TMEM233: variants seen among roughly 807,000 people sequenced by gnomAD.
TMEM233 encodes the protein transmembrane protein 233, also known as dispanin subfamily B member 2.
A neutral mutation model predicts 11.2 loss-of-function variants in TMEM233; 6 were observed. That is an observed-to-expected ratio of 0.54 (90% CI 0.29 to 1.06). The LOEUF (loss-of-function observed/expected upper bound fraction) is 1.06, where lower values mean the gene tolerates loss of function less well. Ranked by LOEUF, TMEM233 falls within the 50% of genes least tolerant of loss-of-function variation. The probability of loss-of-function intolerance (pLI) is 0.08; values close to 1 mark genes in which losing one functional copy is unlikely to be tolerated. For missense variants in TMEM233, 127 were observed against 144.7 expected, an observed-to-expected ratio of 0.88 and a Z score of 0.63; for synonymous variants, 59 against 55.8, an observed-to-expected ratio of 1.06 and a Z score of -0.26.
intron 1 of TMEM233, among the ~76,000 whole-genome samples, chr12:119,596,211 C>T (rs955218131): frequency 6.6e-6 from 1 of 152,192 alleles, no homozygotes; most frequent in African/African-American, 2.4e-5. Flanking sequence ...CTGGCTGGCA[C>T]TGGTGCCCAC....
chr12:119,599,327 G>A (rs1402202360), intron 1 of TMEM233, among the ~76,000 whole-genome samples: 1 of 152,070 alleles, frequency 6.6e-6, no homozygotes, highest in Non-Finnish European at 1.5e-5. Context: ...ATTCTTGAGA[G>A]GATGGATACC....
chr12:119,616,090 A>G (rs1954526405), intron 1 of TMEM233, among the ~76,000 whole-genome samples: 1 of 152,236 alleles, frequency 6.6e-6, no homozygotes, highest in Non-Finnish European at 1.5e-5. Flanking sequence ...TGAGATCATT[A>G]GCATTTACTA....
downstream of TMEM233, among the ~76,000 whole-genome samples, chr12:119,645,082 C>A (rs550184166): frequency 6.6e-6 from 1 of 152,146 alleles, no homozygotes; most frequent in Non-Finnish European, 1.5e-5. Flanking sequence ...TACCATTCTT[C>A]GCAGTGCTGA....
At chr12:119,644,730 C>T (rs1055343014), downstream of TMEM233, among the ~76,000 whole-genome samples, 6 of 152,082 alleles carry the variant, frequency 3.9e-5, no homozygotes, top group South Asian at 2.1e-4. Flanking sequence ...CCACCCACCT[C>T]GGCCTCCCAA....
chr12:119,620,511 A>C (rs923873527), intron 1 of TMEM233, among the ~76,000 whole-genome samples: 15 of 152,218 alleles, frequency 9.9e-5, no homozygotes, highest in African/African-American at 3.6e-4. Flanking sequence ...TAAATAACTA[A>C]ATGTCTATAG....
chr12:119,622,016 C>G (rs543410492), intron 1 of TMEM233, among the ~76,000 whole-genome samples: 137 of 152,118 alleles, frequency 9.0e-4, no homozygotes, highest in Non-Finnish European at 1.7e-3. Flanking sequence ...ATCATAGTTG[C>G]AAAAGGTAGT....
chr12:119,612,084 C>T (rs546830438), intron 1 of TMEM233, among the ~76,000 whole-genome samples: 36 of 152,152 alleles, frequency 2.4e-4, no homozygotes, highest in African/African-American at 8.2e-4. Context: ...ACCTCCGCCT[C>T]CCGGGTTCAA....
chr12:119,618,058 G>A (rs1264651451), intron 1 of TMEM233, among the ~76,000 whole-genome samples: 2 of 152,234 alleles, frequency 1.3e-5, no homozygotes, highest in African/African-American at 4.8e-5. Flanking sequence ...TGGACATGGT[G>A]CCCTGCATCC....
intron 1 of TMEM233, among the ~76,000 whole-genome samples, chr12:119,623,698 A>G (rs1954692255): frequency 6.6e-6 from 1 of 152,208 alleles, no homozygotes; most frequent in Admixed American, 6.5e-5. Flanking sequence ...TTGCAGATTT[A>G]GAATAAGAGC....
intron 1 of TMEM233, among the ~76,000 whole-genome samples, chr12:119,620,235 A>G (rs907858744): frequency 6.6e-6 from 1 of 152,218 alleles, no homozygotes; most frequent in Non-Finnish European, 1.5e-5. Flanking sequence ...TTCTTCACCC[A>G]TCAGAATGGG....
intron 1 of TMEM233, among the ~76,000 whole-genome samples, chr12:119,621,206 G>A (rs1354148739): frequency 1.3e-5 from 2 of 152,150 alleles, no homozygotes; most frequent in South Asian, 2.1e-4. Context: ...GTGCCACCAC[G>A]CCAGCTAATT....
intron 1 of TMEM233, among the ~76,000 whole-genome samples, chr12:119,605,673 C>A (rs948868763): frequency 1.3e-5 from 2 of 151,998 alleles, no homozygotes; most frequent in African/African-American, 4.8e-5. Context: ...AAGGGATCTA[C>A]CCCCCTCAGC....
intron 1 of TMEM233, among the ~76,000 whole-genome samples, chr12:119,612,302 G>A (rs1208655572): frequency 6.6e-6 from 1 of 151,740 alleles, no homozygotes; most frequent in Non-Finnish European, 1.5e-5. Flanking sequence ...CCTGTGCATA[G>A]ATATTCTTAT....
intron 1 of TMEM233, among the ~76,000 whole-genome samples, chr12:119,611,191 G>C (rs1455475952): frequency 7.3e-6 from 1 of 136,904 alleles, no homozygotes. Flanking sequence ...TTGGTGTAGA[G>C]CTAGGAGTGG....
chr12:119,593,951 A>C lies in TMEM233; in HGVS notation c.103A>C (p.Lys35Gln), dbSNP rs1377228454. Residue 35 changes from lysine to glutamine, a missense_variant, in exon 1 of 3, where the codon AAG (lysine) becomes CAG (glutamine). Coordinates refer to ENST00000426426, the MANE Select transcript of TMEM233 (RefSeq NM_001136534.3). The surrounding 1 kb of genome is among the most constrained non-coding windows in gnomAD (Gnocchi z 4.1). ...GACCGAGGAGGACGTGCCCATGCCC[A>C]AGAACTACCTGTGGCTCACCATCGT... is the stretch of plus-strand genomic sequence containing the variant. ...DKTEEDVPMP[K>Q]NYLWLTIVSC... is the part of the protein sequence containing the mutation. 6.4e-7 allele frequency: 1 copy of C among 1,551,762 alleles called. No individual in the cohort carries two copies. Among genetic ancestry groups the C allele is most frequent in the East Asian group, 2.4e-5 (1 of 40,916 alleles).
intron 1 of TMEM233, among the ~76,000 whole-genome samples, chr12:119,605,409 C>CTTTTTTTTTTT (rs6144897): frequency 1.1e-5 from 1 of 93,644 alleles, no homozygotes; most frequent in African/African-American, 3.7e-5. Flanking sequence ...TATGCCTTTC[C>CTTTTTTTTTTT]TTTTTTTTTT....
chr12:119,609,705 G>A (rs1249849005), intron 1 of TMEM233, among the ~76,000 whole-genome samples: 2 of 152,258 alleles, frequency 1.3e-5, no homozygotes, highest in Non-Finnish European at 2.9e-5. Flanking sequence ...CTCCCACATC[G>A]TGCTGGGTCT....
chr12:119,622,565 T>C (rs1346715989), intron 1 of TMEM233, among the ~76,000 whole-genome samples: 1 of 152,110 alleles, frequency 6.6e-6, no homozygotes, highest in Non-Finnish European at 1.5e-5. Context: ...AGAACCTCAG[T>C]ATAAAATTCC....
intron 1 of TMEM233, among the ~76,000 whole-genome samples, chr12:119,617,861 C>A (rs1023732130): frequency 3.9e-5 from 6 of 152,134 alleles, no homozygotes; most frequent in Non-Finnish European, 8.8e-5. Flanking sequence ...GAAAGAAACC[C>A]CATTTTCTGG....
Sources: gnomAD v4.1 joint callset for allele counts (sites outside exome capture counted in the v4.1 genomes callset) on GRCh38, gnomAD v4.1.1 for gene constraint, Gnocchi (gnomAD v3.1) non-coding constraint, MANE v1.5 for transcripts, NCBI Gene and HGNC (gene_info 2026-07-23, HGNC 2026-07-21) for gene names.